The following KRAS variants were observed in gnomAD, a reference collection of about 807,000 sequenced individuals.
The protein encoded by KRAS is GTPase KRas.
Under a neutral mutation model 21.0 loss-of-function variants are expected in KRAS, and 1 was observed. That is an observed-to-expected ratio of 0.05 (90% CI 0.02 to 0.23). The LOEUF is 0.23. Ranked by LOEUF, KRAS falls within the 10% of genes least tolerant of loss-of-function variation. KRAS has a pLI of 1.00. For synonymous variants in KRAS, 67 were observed against 72.5 expected (o/e 0.92, Z 0.39); for missense variants, 107 against 221.8 (o/e 0.48, Z 3.29).
At position 25,209,578 on chromosome 12, in the gene KRAS, T is replaced by C. The variant is rs1475076275; in HGVS notation, c.*217A>G. On this transcript the variant is annotated 3_prime_UTR_variant, in exon 5 of 5. Coordinates refer to ENST00000311936, the MANE Select transcript of KRAS (RefSeq NM_004985.5). ...TATTCAGTTTCTTTTTCACAGGCAT[T>C]GCTAGTTCAAAAACCAAAACTCTGG... The C allele has an allele frequency of 7.5e-7, 1 of 1,339,602 alleles. No homozygotes were observed. The highest frequency in any genetic ancestry group is 9.5e-7 in the Non-Finnish European group (1 of 1,049,084). 83.0% of individuals were successfully genotyped at this position (1,339,602 alleles called of 1,614,324 possible).
intron 4 of KRAS, among the ~76,000 whole-genome samples, chr12:25,220,060 C>T (rs545298665): frequency 6.6e-6 from 1 of 152,232 alleles, no homozygotes; most frequent in Admixed American, 6.5e-5. Flanking sequence ...GTAACAGATA[C>T]CCCGAAAACT....
Position 25,227,247 on chromosome 12 carries a change from T to C in KRAS, c.277A>G (p.Ile93Val). The change falls in exon 3 of 5, where the codon ATT becomes GTT. Residue 93 changes from isoleucine to valine, a missense_variant. Ile to Val is a conservative substitution (Grantham distance 29, BLOSUM62 3). This residue lies in a region of KRAS where 42 missense variants were observed against 139.4 expected (regional missense o/e 0.30). Coordinates refer to ENST00000311936, the MANE Select transcript of KRAS (RefSeq NM_004985.5). ...ATTTAAACCCACCTATAATGGTGAA[T>C]ATCTTCAAATGATTTAGTATTATTT... Reference protein sequence around the residue: ...AINNTKSFEDIHHYREQIKRV... With the variant: ...AINNTKSFEDVHHYREQIKRV... The C allele has an allele frequency of 1.9e-6, 3 of 1,612,564 alleles. No individual in the cohort carries two copies. The highest frequency in any genetic ancestry group is 2.5e-6 in the Non-Finnish European group (3 of 1,178,628).
chr12:25,231,373 G>T (rs1393521294), intron 2 of KRAS, among the ~76,000 whole-genome samples: 1 of 151,800 alleles, frequency 6.6e-6, no homozygotes, highest in Non-Finnish European at 1.5e-5. Flanking sequence ...GTCAACCATC[G>T]CGCCCAGCCT....
chr12:25,222,116 T>G (rs1951333821), intron 4 of KRAS, among the ~76,000 whole-genome samples: 1 of 145,584 alleles, frequency 6.9e-6, no homozygotes, highest in African/African-American at 2.6e-5. Context: ...ACCACTGTAC[T>G]CCAGCCTGGG....
intron 4 of KRAS, 182 bp downstream of exon 4, chr12:25,225,432 G>T: frequency 1.8e-6 from 1 of 559,864 alleles, no homozygotes; most frequent in Non-Finnish European, 3.1e-6. Context: ...AGAAACCAAA[G>T]CCAAAAGCAG....
intron 4 of KRAS, among the ~76,000 whole-genome samples, chr12:25,221,696 T>C (rs1020354591): frequency 2.0e-5 from 3 of 152,180 alleles, no homozygotes; most frequent in African/African-American, 7.2e-5. Context: ...CTGATTTACA[T>C]GGATGAGAAC....
intron 3 of KRAS, among the ~76,000 whole-genome samples, chr12:25,226,372 A>G (rs1341192292): frequency 6.6e-6 from 1 of 152,184 alleles, no homozygotes; most frequent in African/African-American, 2.4e-5. Flanking sequence ...TTTCAAAGAC[A>G]CAGCACAAAA....
intron 2 of KRAS, among the ~76,000 whole-genome samples, chr12:25,241,374 G>A (rs1951608074): frequency 6.6e-6 from 1 of 152,122 alleles, no homozygotes; most frequent in African/African-American, 2.4e-5. Flanking sequence ...GACCAGTAGA[G>A]GGCACTCACA....
rs761528778 is a variant in KRAS, at chr12:25,208,669, G to C, written c.*1126C>G. On this transcript the variant is annotated 3_prime_UTR_variant, in exon 5 of 5. Transcript: ENST00000311936. ...ACAGAGTGAGATTGTATCTTGTTGA[G>C]CTATCCAAACTGCCCTAGTCCCTCC... 4.3e-6 allele frequency: 1 copy of C among 232,686 alleles called. No individual in the cohort carries two copies. The highest frequency in any genetic ancestry group is 5.6e-5 in the Admixed American group (1 of 17,760). The allele number at this position is 232,686 out of a possible 1,614,324, so 14.4% of individuals were successfully genotyped here. A position where few individuals can be genotyped will look rare whatever the true frequency, so the allele number is the denominator to read the frequency against.
At chr12:25,218,965 A>G (rs1045919743) in intron 4 of KRAS, among the ~76,000 whole-genome samples, 2 of 142,272 alleles carry the variant, frequency 1.4e-5, no homozygotes, top group African/African-American at 5.3e-5. Flanking sequence ...TTTGAGATGG[A>G]GTCTCGCTCT....
intron 2 of KRAS, among the ~76,000 whole-genome samples, chr12:25,228,859 G>C (rs1481070834): frequency 6.6e-6 from 1 of 152,168 alleles, no homozygotes; most frequent in South Asian, 2.1e-4. Flanking sequence ...AGGAGATCAA[G>C]AACATCCTGG....
In KRAS at chr12:25,208,948, GACT is replaced by G. The variant is rs1951173461; in HGVS notation, c.*844_*846del. 3.3e-6 allele frequency: 1 copy of G among 304,310 alleles called. No individual in the cohort carries two copies. Among genetic ancestry groups the G allele is most frequent in the Admixed American group, 4.9e-5 (1 of 20,418 alleles). 18.9% of individuals were successfully genotyped at this position (304,310 alleles called of 1,614,324 possible). On this transcript the variant is annotated 3_prime_UTR_variant, in exon 5 of 5. Transcript: ENST00000311936. ...ATGAAAGAGCAGTCTGACACAGGGA[GACT>G]ACATTTAATTCCTATGAGAATTTTT... is the stretch of plus-strand genomic sequence containing the variant.
chr12:25,250,467 G>C (rs1297807778), intron 1 of KRAS, among the ~76,000 whole-genome samples: 1 of 152,116 alleles, frequency 6.6e-6, no homozygotes, highest in Admixed American at 6.5e-5. Context: ...TCGGGGAGGA[G>C]GAAGGAAGGG....
intron 4 of KRAS, chr12:25,215,659 A>T: frequency 3.8e-6 from 3 of 786,426 alleles, no homozygotes; most frequent in Non-Finnish European, 6.0e-6. Flanking sequence ...TGAGCTTGAG[A>T]TTTTTTTTTT....
In KRAS at chr12:25,242,201, A is replaced by G. The variant is rs140475470; in HGVS notation, c.111+3073T>C. ...TGAACTGAATTATAAGTGCCACAATAAAAGCATGCTGATGTCAAACAATTA... is the reference window on the plus strand; with the variant it reads ...TGAACTGAATTATAAGTGCCACAATGAAAGCATGCTGATGTCAAACAATTA... On this transcript the variant is annotated intron_variant, in intron 2 of 4. Coordinates refer to ENST00000311936, the MANE Select transcript of KRAS (RefSeq NM_004985.5). Among the ~76,000 whole-genome samples the G allele has an allele frequency of 7.2e-3, 1,098 of 152,328 alleles. 5 individuals carry two copies. The highest frequency in any genetic ancestry group is 0.014 in the Admixed American group (221 of 15,290).
At chr12:25,234,908 C>A in intron 2 of KRAS, 1 of 243,282 alleles carries the variant, frequency 4.1e-6, no homozygotes, top group Non-Finnish European at 7.9e-6. Context: ...ATTTTGTTTA[C>A]TATATTGTAG....
chr12:25,211,907 A>C (rs1448301837), intron 4 of KRAS, among the ~76,000 whole-genome samples: 1 of 152,214 alleles, frequency 6.6e-6, no homozygotes, highest in Non-Finnish European at 1.5e-5. Flanking sequence ...GATACTACAC[A>C]AACATATGCT....
Position 25,250,908 on chromosome 12 carries a change from C to CGCCGCCGCG in KRAS, c.-178_-170dup, listed in dbSNP as rs397517035. ...CCACTGCCGCCGCCGCTGCTGCCTC[C>CGCCGCCGCG]GCCGCCGCGGCCGCCGCCTAGGAAA... On this transcript the variant is annotated 5_prime_UTR_variant, in exon 1 of 5. Transcript: ENST00000311936. The CGCCGCCGCG allele has an allele frequency of 1.2e-5, 3 of 251,066 alleles. No homozygotes were observed. Among genetic ancestry groups the CGCCGCCGCG allele is most frequent in the Non-Finnish European group, 2.2e-5 (3 of 133,416 alleles). 15.6% of individuals were successfully genotyped at this position (251,066 alleles called of 1,614,324 possible).
intron 1 of KRAS, among the ~76,000 whole-genome samples, chr12:25,249,549 G>A (rs944869121): frequency 6.5e-5 from 8 of 123,364 alleles, no homozygotes; most frequent in African/African-American, 2.1e-4. Flanking sequence ...CCGATACCGC[G>A]CCATTGCACT....
Sources: allele counts gnomAD v4.1 joint callset (sites outside exome capture counted in the v4.1 genomes callset), GRCh38; gene constraint gnomAD v4.1.1; regional missense constraint gnomAD v4.1.1; transcripts MANE v1.5; gene names NCBI Gene and HGNC (gene_info 2026-07-23, HGNC 2026-07-21).